RBFOX3: variants seen among roughly 807,000 people sequenced by gnomAD.
RBFOX3 encodes the protein RNA binding protein fox-1 homolog 3.
A neutral mutation model predicts 48.7 loss-of-function variants in RBFOX3; 17 were observed. The ratio of observed to expected loss-of-function variants is 0.35; its 90% CI spans 0.24 to 0.52. The LOEUF (loss-of-function observed/expected upper bound fraction) is 0.52. Ranked by LOEUF, RBFOX3 falls within the 20% of genes least tolerant of loss-of-function variation. The probability of loss-of-function intolerance (pLI) is 0.94; values close to 1 mark genes in which losing one functional copy is unlikely to be tolerated. For missense variants in RBFOX3, 382 were observed against 497.5 expected, an observed-to-expected ratio of 0.77 and a Z score of 2.21; for synonymous variants, 212 against 209.5, an observed-to-expected ratio of 1.01 and a Z score of -0.10.
At chr17:79,105,795 C>T (rs1009361601) in intron 6 of RBFOX3, among the ~76,000 whole-genome samples, 3 of 152,092 alleles carry the variant, frequency 2.0e-5, no homozygotes, top group East Asian at 1.9e-4. Flanking sequence ...GGCAGGCAGG[C>T]GGAAGAGAAG....
intron 1 of RBFOX3, among the ~76,000 whole-genome samples, chr17:79,498,729 A>G (rs1236227487): frequency 1.4e-5 from 2 of 146,534 alleles, no homozygotes; most frequent in East Asian, 4.2e-4. Context: ...CACCCACCCC[A>G]TCTACCCATT....
chr17:79,329,521 A>G (rs1365981677), intron 2 of RBFOX3, among the ~76,000 whole-genome samples: 1 of 152,096 alleles, frequency 6.6e-6, no homozygotes, highest in African/African-American at 2.4e-5. Context: ...AACTTCCTTC[A>G]TTAAAGGGCC....
intron 4 of RBFOX3, among the ~76,000 whole-genome samples, chr17:79,126,461 C>A (rs1389815836): frequency 6.6e-6 from 1 of 151,582 alleles, no homozygotes; most frequent in Non-Finnish European, 1.5e-5. Context: ...GACCCGGGGG[C>A]TGACCTCTGG....
chr17:79,592,338 C>G, intron 1 of RBFOX3, among the ~76,000 whole-genome samples: 1 of 149,792 alleles, frequency 6.7e-6, no homozygotes, highest in South Asian at 2.1e-4. Flanking sequence ...GGTGTGTGAA[C>G]ATGTGCATAT....
chr17:79,332,652 A>T, intron 2 of RBFOX3, among the ~76,000 whole-genome samples: 1 of 142,908 alleles, frequency 7.0e-6, no homozygotes, highest in Admixed American at 6.7e-5. Flanking sequence ...GGAGACAGAG[A>T]GACAAAGAGA....
chr17:79,373,179 A>T (rs2058786162), intron 2 of RBFOX3, among the ~76,000 whole-genome samples: 1 of 152,062 alleles, frequency 6.6e-6, no homozygotes, highest in South Asian at 2.1e-4. Context: ...GGACTCCCCC[A>T]GCTGTGGCCC....
At chr17:79,415,424 C>T (rs1428683933) in intron 2 of RBFOX3, among the ~76,000 whole-genome samples, 1 of 152,222 alleles carries the variant, frequency 6.6e-6, no homozygotes, top group South Asian at 2.1e-4. Flanking sequence ...CTGTGCACCC[C>T]TGAGGCCGAC....
intron 2 of RBFOX3, among the ~76,000 whole-genome samples, chr17:79,435,634 G>A (rs1259559489): frequency 2.0e-5 from 3 of 152,176 alleles, no homozygotes; most frequent in Admixed American, 1.3e-4. Context: ...ACTGACAAAC[G>A]TTGGTCCCCG....
intron 1 of RBFOX3, among the ~76,000 whole-genome samples, chr17:79,548,471 C>A (rs1555792659): frequency 6.6e-6 from 1 of 152,246 alleles, no homozygotes; most frequent in South Asian, 2.1e-4. Flanking sequence ...ACGGCTGCCA[C>A]CACCCCCAAA....
intron 2 of RBFOX3, among the ~76,000 whole-genome samples, chr17:79,357,661 T>C (rs1211119646): frequency 3.7e-5 from 5 of 134,968 alleles, no homozygotes; most frequent in African/African-American, 1.4e-4. Context: ...AAACAAACTC[T>C]GAAAGACGAC....
rs371394276 is a variant in RBFOX3 at position 79,477,093 on chromosome 17, C to A, written c.-175+5361G>T. Reference sequence around the variant, plus strand: ...ACTAAAAATACAAAAATTAGCCAGGCGTGGTGGTGGGCGCCTGTAATCCCA... The same window carrying A: ...ACTAAAAATACAAAAATTAGCCAGGAGTGGTGGTGGGCGCCTGTAATCCCA... On this transcript the variant is annotated intron_variant, in intron 2 of 14. Coordinates refer to ENST00000693108, the MANE Select transcript of RBFOX3 (RefSeq NM_001350451.2). The surrounding 1 kb of genome is among the most constrained non-coding windows in gnomAD (Gnocchi z 4.8). Among the ~76,000 whole-genome samples the A allele has an allele frequency of 2.0e-5, 3 of 149,982 alleles. No homozygotes were observed. The highest frequency in any genetic ancestry group is 4.4e-5 in the Non-Finnish European group (3 of 67,626).
In RBFOX3 at chr17:79,418,383, G is replaced by T. The variant is rs1555720276; in HGVS notation, c.-175+64071C>A. Among the ~76,000 whole-genome samples the T allele has an allele frequency of 6.6e-6, 1 of 152,136 alleles. No homozygotes were observed. The highest frequency in any genetic ancestry group is 2.4e-5 in the African/African-American group (1 of 41,416). On this transcript the variant is annotated intron_variant, in intron 2 of 14. Transcript: ENST00000693108. The surrounding 1 kb of genome is among the most constrained non-coding windows in gnomAD (Gnocchi z 5.0). Reference sequence around the variant, plus strand: ...CACGTTCTTCCTACAGCAAAAGAAAGGTACCTGCCCCCAATTTTCCCTCCA... The same window carrying T: ...CACGTTCTTCCTACAGCAAAAGAAATGTACCTGCCCCCAATTTTCCCTCCA...
rs117473545 is a variant in RBFOX3 at position 79,179,839 on chromosome 17, G to A, written c.-34+55927C>T. On this transcript the variant is annotated intron_variant, in intron 4 of 14. Transcript: ENST00000693108. ...GTATCAGCCCCAACCCTCCTCACTG[G>A]CCATCATGCACCAGCAACAAAAGCT... 4.2e-3 allele frequency among the ~76,000 whole-genome samples: 634 copies of A among 152,220 alleles called. 5 individuals carry two copies. Among genetic ancestry groups the A allele is most frequent in the Middle Eastern group, 6.8e-3 (2 of 294 alleles).
chr17:79,172,087 T>C (rs2049422974), intron 4 of RBFOX3, among the ~76,000 whole-genome samples: 1 of 149,628 alleles, frequency 6.7e-6, no homozygotes, highest in African/African-American at 2.5e-5. Context: ...GGCATGAGAA[T>C]TGCCTGAACC....
chr17:79,617,161 C>T, the RBFOX3 span, among the ~76,000 whole-genome samples: 2 of 152,190 alleles, frequency 1.3e-5, no homozygotes, highest in African/African-American at 4.8e-5. Context: ...CTGCACGCCT[C>T]CTTCTAGTTT....
Position 79,328,375 on chromosome 17 carries a change from TG to T in RBFOX3, c.-174-20552del, listed in dbSNP as rs561447373. On this transcript the variant is annotated intron_variant, in intron 2 of 14. Transcript: ENST00000693108. ...CATTGTGGCAGGGCTATCTGGTAGC[TG>T]GGGTGACCCTGGCCACAATCTGTGG... Among the ~76,000 whole-genome samples, 512 of 152,340 alleles carry T rather than the reference TG, an allele frequency of 3.4e-3. 4 individuals carry two copies. Among genetic ancestry groups the T allele is most frequent in the African/African-American group, 0.011 (466 of 41,580 alleles).
Position 79,214,563 on chromosome 17 carries a change from G to C in RBFOX3, c.-34+21203C>G, listed in dbSNP as rs8078596. ...GCAGGCCAAGTGGGAGGGATGTCTG[G>C]GGGGGGTCTCGGAGGAAGCAGGAAG... On this transcript the variant is annotated intron_variant, in intron 4 of 14. Coordinates refer to ENST00000693108, the MANE Select transcript of RBFOX3 (RefSeq NM_001350451.2). This position sits in a 1 kb window ranked among gnomAD's most constrained non-coding sequence, Gnocchi z 4.7. Among the ~76,000 whole-genome samples the C allele has an allele frequency of 2.0e-5, 3 of 151,776 alleles. No homozygotes were observed. The highest frequency in any genetic ancestry group is 2.9e-5 in the Non-Finnish European group (2 of 67,914).
At chr17:79,609,225 C>T (rs1376299702) in intron 1 of RBFOX3, among the ~76,000 whole-genome samples, 3 of 152,182 alleles carry the variant, frequency 2.0e-5, no homozygotes, top group South Asian at 4.1e-4. Context: ...CCAGTAAAAC[C>T]GAAGCCGGCT....
rs1446780594 is a variant in RBFOX3, at chr17:79,093,645, A to ATGTT, written c.1077+802_1077+805dup. On this transcript the variant is annotated intron_variant, in intron 14 of 14. Transcript: ENST00000693108. ...CCTCCTCCCTCCTCACTCTCCCAAG[A>ATGTT]TGTTTTCATCTTTGATGCTGGATGC... is the stretch of plus-strand genomic sequence containing the variant. 6.6e-5 allele frequency among the ~76,000 whole-genome samples: 10 copies of ATGTT among 152,110 alleles called. 1 individual carries two copies. Among genetic ancestry groups the ATGTT allele is most frequent in the Admixed American group, 5.9e-4 (9 of 15,278 alleles).
Sources: gnomAD v4.1 joint callset for allele counts (sites outside exome capture counted in the v4.1 genomes callset) on GRCh38, gnomAD v4.1.1 for gene constraint, Gnocchi (gnomAD v3.1) non-coding constraint, MANE v1.5 for transcripts, NCBI Gene and HGNC (gene_info 2026-07-23, HGNC 2026-07-21) for gene names.